The following STXBP5L variants were observed in gnomAD, a reference collection of about 807,000 sequenced individuals.
STXBP5L encodes syntaxin-binding protein 5-like.
Under a neutral mutation model 144.5 loss-of-function variants are expected in STXBP5L, and 65 were observed. The observed-to-expected ratio is 0.45, with a 90% CI of 0.37 to 0.55. The LOEUF (loss-of-function observed/expected upper bound fraction) is 0.55, where lower values mean the gene tolerates loss of function less well. Ranked by LOEUF, STXBP5L falls within the 20% of genes least tolerant of loss-of-function variation. The pLI is 0.00. For missense variants in STXBP5L, 1,298 were observed against 1,405.5 expected (o/e 0.92, Z 1.22); for synonymous variants, 505 against 469.6 (o/e 1.08, Z -0.97).
intron 10 of STXBP5L, among the ~76,000 whole-genome samples, chr3:121,216,844 A>C (rs1376119389): frequency 6.6e-6 from 1 of 152,114 alleles, no homozygotes; most frequent in Non-Finnish European, 1.5e-5. Flanking sequence ...ATAAGCCCTG[A>C]CTGGGGCTGC....
intron 3 of STXBP5L, among the ~76,000 whole-genome samples, chr3:120,995,678 T>G (rs1027759857): frequency 1.1e-4 from 16 of 152,254 alleles, no homozygotes; most frequent in Middle Eastern, 3.4e-3. Flanking sequence ...TACTTCCACT[T>G]AAGTCTCCTT....
intron 9 of STXBP5L, among the ~76,000 whole-genome samples, chr3:121,167,656 G>GA (rs1264770559): frequency 2.6e-5 from 4 of 152,068 alleles, no homozygotes; most frequent in African/African-American, 4.8e-5. Context: ...GGGCATCTCT[G>GA]AAAAAAATAA....
chr3:121,317,074 C>T (rs377662937), intron 19 of STXBP5L, among the ~76,000 whole-genome samples: 1 of 151,978 alleles, frequency 6.6e-6, no homozygotes, highest in Non-Finnish European at 1.5e-5. Context: ...AGACCGTGTT[C>T]GACATAGTTT....
intron 3 of STXBP5L, among the ~76,000 whole-genome samples, chr3:121,005,184 A>C (rs1160772772): frequency 6.6e-6 from 1 of 152,030 alleles, no homozygotes; most frequent in South Asian, 2.1e-4. Flanking sequence ...CTGGTCCTGG[A>C]CTTTTTTTGG....
At chr3:121,362,188 G>A (rs1489345887) in intron 20 of STXBP5L, among the ~76,000 whole-genome samples, 2 of 152,224 alleles carry the variant, frequency 1.3e-5, no homozygotes, top group East Asian at 1.9e-4. Flanking sequence ...TGGGGGTGAA[G>A]TGACACCCTT....
chr3:121,188,758 AC>A (rs1184180284), intron 9 of STXBP5L, among the ~76,000 whole-genome samples: 2 of 152,202 alleles, frequency 1.3e-5, no homozygotes, highest in Non-Finnish European at 2.9e-5. Flanking sequence ...AAATTCAACA[AC>A]CCTTCATGCT....
chr3:121,004,425 G>A (rs1360175221), intron 3 of STXBP5L, among the ~76,000 whole-genome samples: 3 of 151,966 alleles, frequency 2.0e-5, no homozygotes, highest in African/African-American at 7.3e-5. Flanking sequence ...TGCTGAAGTT[G>A]CCTATCAGCT....
intron 7 of STXBP5L, among the ~76,000 whole-genome samples, chr3:121,134,963 T>C (rs1195558194): frequency 6.6e-6 from 1 of 151,996 alleles, no homozygotes. Flanking sequence ...TAGTTCTAGA[T>C]CCTTGAGGAA....
At chr3:121,288,379 G>A (rs2051304746) in intron 19 of STXBP5L, among the ~76,000 whole-genome samples, 1 of 152,180 alleles carries the variant, frequency 6.6e-6, no homozygotes, top group African/African-American at 2.4e-5. Flanking sequence ...GCTGGGTTGA[G>A]TGATAATTCT....
chr3:121,239,933 T>C (rs1448973042), intron 13 of STXBP5L, among the ~76,000 whole-genome samples: 1 of 151,876 alleles, frequency 6.6e-6, no homozygotes, highest in Non-Finnish European at 1.5e-5. Flanking sequence ...TAATTAATGG[T>C]TTAGGAAACA....
At chr3:121,135,102 C>T (rs2045185467) in intron 7 of STXBP5L, among the ~76,000 whole-genome samples, 1 of 152,198 alleles carries the variant, frequency 6.6e-6, no homozygotes, top group Non-Finnish European at 1.5e-5. Flanking sequence ...GCCATTCTAA[C>T]TGGTATGAGA....
At position 121,190,061 on chromosome 3, in the gene STXBP5L, T is replaced by A. The variant is rs184701992; in HGVS notation, c.878-15862T>A. Among the ~76,000 whole-genome samples, 187 of 152,136 alleles carry A rather than the reference T, an allele frequency of 1.2e-3. 1 individual carries two copies. The highest frequency in any genetic ancestry group is 1.7e-3 in the East Asian group (9 of 5,174). ...TTTGGTTTTTTGTCCCTTTTTTTTT[T>A]AATTTTTTTAGTATTTATTGATCAT... is the stretch of plus-strand genomic sequence containing the variant. On this transcript the variant is annotated intron_variant, in intron 9 of 26. Coordinates refer to ENST00000471454, the MANE Select transcript of STXBP5L (RefSeq NM_001308330.2).
At chr3:121,333,001 G>A (rs2044375044) in intron 20 of STXBP5L, among the ~76,000 whole-genome samples, 1 of 152,094 alleles carries the variant, frequency 6.6e-6, no homozygotes, top group African/African-American at 2.4e-5. Flanking sequence ...ACATGAAGGA[G>A]AAATAAAGTC....
intron 9 of STXBP5L, among the ~76,000 whole-genome samples, chr3:121,196,757 C>G (rs959556736): frequency 6.6e-6 from 1 of 152,022 alleles, no homozygotes; most frequent in African/African-American, 2.4e-5. Context: ...GCAGCCTCAA[C>G]CTCCCTGGCT....
intron 3 of STXBP5L, among the ~76,000 whole-genome samples, chr3:120,988,066 A>G (rs1329031542): frequency 1.4e-5 from 2 of 145,370 alleles, no homozygotes; most frequent in Admixed American, 1.4e-4. Context: ...TTTCAGGTAT[A>G]TTTATTTTTT....
At chr3:121,200,369 C>G (rs2048091355) in intron 9 of STXBP5L, among the ~76,000 whole-genome samples, 1 of 152,052 alleles carries the variant, frequency 6.6e-6, no homozygotes, top group Admixed American at 6.6e-5. Context: ...TGATTCTTCT[C>G]TCTTTTCTTC....
intron 5 of STXBP5L, among the ~76,000 whole-genome samples, chr3:121,084,379 C>T (rs978261008): frequency 2.6e-5 from 4 of 152,042 alleles, no homozygotes; most frequent in Non-Finnish European, 5.9e-5. Context: ...CCTCAACAGG[C>T]CCCAGTGTGT....
chr3:121,293,458 T>C (rs865912425), intron 19 of STXBP5L, among the ~76,000 whole-genome samples: 3 of 58,278 alleles, frequency 5.1e-5, no homozygotes, highest in Non-Finnish European at 6.4e-5. Flanking sequence ...ATTCAAATAG[T>C]ACATTTTATA....
At chr3:121,284,714 G>C (rs887097632) in intron 19 of STXBP5L, among the ~76,000 whole-genome samples, 1 of 152,028 alleles carries the variant, frequency 6.6e-6, no homozygotes, top group African/African-American at 2.4e-5. Flanking sequence ...TAGGTAACAG[G>C]TTCACCAGAA....
Sources: gnomAD v4.1 joint callset for allele counts (sites outside exome capture counted in the v4.1 genomes callset) on GRCh38, gnomAD v4.1.1 for gene constraint, MANE v1.5 for transcripts, NCBI Gene and HGNC (gene_info 2026-07-23, HGNC 2026-07-21) for gene names.